The following NBPF12 variants were observed in gnomAD, a reference collection of about 807,000 sequenced individuals.
NBPF12 encodes the protein NBPF member 12, also known as NBPF family member NBPF12.
In NBPF12, 115 loss-of-function variants were observed where a neutral mutation model predicts 146.4. The ratio of observed to expected loss-of-function variants is 0.79; its 90% CI spans 0.68 to 0.92. The LOEUF (loss-of-function observed/expected upper bound fraction) is 0.92, where lower values mean the gene tolerates loss of function less well. Among genes scored for constraint, NBPF12 ranks in the 40% least tolerant of loss-of-function variants. NBPF12 has a pLI of 0.00. For synonymous variants in NBPF12, 385 were observed against 508.9 expected (o/e 0.76, Z 3.28); for missense variants, 1,205 against 1,326.8 (o/e 0.91, Z 1.43).
At chr1:146,945,253 C>G (rs1337498764), upstream of NBPF12, among the ~76,000 whole-genome samples, 1 of 151,596 alleles carries the variant, frequency 6.6e-6, no homozygotes, top group African/African-American at 2.4e-5. Flanking sequence ...CTGCTTCTGT[C>G]TTGTAGGCAG....
chr1:146,954,863 A>T (rs2101831396), intron 2 of NBPF12, among the ~76,000 whole-genome samples: 1 of 139,968 alleles, frequency 7.1e-6, no homozygotes, highest in Admixed American at 7.5e-5. Flanking sequence ...CTTAGGACAT[A>T]TATATATGTA....
chr1:146,966,293 A>T, intron 8 of NBPF12, among the ~76,000 whole-genome samples, 171 bp from the exon 12 acceptor site: 1 of 152,088 alleles, frequency 6.6e-6, no homozygotes, highest in African/African-American at 2.4e-5. Flanking sequence ...TGCATAGCTA[A>T]GACAAGTTGA....
At position 146,972,847 on chromosome 1, in the gene NBPF12, A is replaced by G; in HGVS notation, c.1688A>G (p.Asn563Ser). 5 of 1,299,110 alleles carry G rather than the reference A, an allele frequency of 3.8e-6. 1 individual carries two copies. The Admixed American group carries it at 6.7e-5, about 17-fold the overall frequency. The allele number at this position is 1,299,110 out of a possible 1,614,324, so 80.5% of individuals were successfully genotyped here. A position where few individuals can be genotyped will look rare whatever the true frequency, so the allele number is the denominator to read the frequency against. ...GCAGAGATGAACATTCTAGAAATCA[A>G]TGAGAAGTTGCGCCCCCAGCTGGCA... The change falls in exon 14 of 34, where the codon AAT (asparagine) becomes AGT (serine). Residue 563 changes from asparagine to serine, a missense_variant. Coordinates refer to ENST00000617844, the Ensembl canonical transcript of NBPF12.
At chr1:146,971,311 A>C in exon 13 of NBPF12, 1 of 1,612,294 alleles carries the variant, frequency 6.2e-7, no homozygotes, top group Non-Finnish European at 8.5e-7. Flanking sequence ...ATCACATTTG[A>C]GGAAGACAAA....
At chr1:146,962,236 A>T (rs1267202673) in exon 5 of NBPF12, 4 of 1,606,670 alleles carry the variant, frequency 2.5e-6, no homozygotes, top group East Asian at 4.5e-5. Context: ...AAGCTTGCAG[A>T]GCAGCTGAAA....
chr1:146,989,340 G>GTCTCTA lies in NBPF12; in HGVS notation c.3399-229_3399-228insATCTCT, dbSNP rs1413666828. On this transcript the variant is annotated intron_variant, in intron 27 of 33. Transcript: ENST00000617844. ...CAATTCACTAGCTCACTTTCTCTCT[G>GTCTCTA]TCTCTGTCTCTGTCTCTGTCTCTGT... 7.4e-3 allele frequency among the ~76,000 whole-genome samples: 747 copies of GTCTCTA among 101,610 alleles called. 1 individual carries two copies. The highest frequency in any genetic ancestry group is 0.023 in the African/African-American group (647 of 27,838). 66.7% of individuals were successfully genotyped at this position (101,610 alleles called of 152,430 possible).
chr1:146,950,167 T>A lies in NBPF12; in HGVS notation c.-326+745T>A, dbSNP rs1175620551. On this transcript the variant is annotated intron_variant, in intron 1 of 33. Coordinates refer to ENST00000617844, the Ensembl canonical transcript of NBPF12. ...AGTGCATTTACCCTCTCCCCTGAGG[T>A]TTCCAGATTTCATGTCATTAAAGCA... Among the ~76,000 whole-genome samples the A allele has an allele frequency of 4.3e-4, 65 of 151,898 alleles. 1 individual carries two copies. In the East Asian group the frequency reaches 0.013, roughly 29 times the overall value.
At chr1:146,959,213 C>T (rs1337739701) in intron 2 of NBPF12, among the ~76,000 whole-genome samples, 2 of 77,082 alleles carry the variant, frequency 2.6e-5, no homozygotes, top group African/African-American at 4.7e-5. Context: ...CGGTGGCTCA[C>T]GCCTGTAATC....
chr1:146,970,506 A>G (rs1656528867), intron 11 of NBPF12, 141 bp from the exon 15 acceptor site: 3 of 1,192,364 alleles, frequency 2.5e-6, no homozygotes, highest in South Asian at 2.6e-5. Flanking sequence ...ATGCCAGGGC[A>G]TTTTGTGAAA....
At chr1:146,971,958 G>T (rs1189507891) in intron 13 of NBPF12, among the ~76,000 whole-genome samples, 10 of 149,258 alleles carry the variant, frequency 6.7e-5, no homozygotes, top group Non-Finnish European at 1.2e-4. Context: ...CGCGGTGTTG[G>T]GTGCCTGTAG....
rs1265689751 is a variant in NBPF12, at chr1:146,939,276, G to A, written c.-822+294G>A. Among the ~76,000 whole-genome samples, 15 of 152,196 alleles carry A rather than the reference G, an allele frequency of 9.9e-5. No individual in the cohort carries two copies. The East Asian group carries it at 2.5e-3, about 26-fold the overall frequency. ...AGGGACGGAGCAGCTTCGGGGGCAC[G>A]TCTTCGGAAGTCCTGTGGAGCACAC... On this transcript the variant is annotated intron_variant, in intron 1 of 35. Transcript: ENST00000617931.
chr1:146,966,370 C>A (rs1166890566), intron 8 of NBPF12, 94 bp from the exon 12 acceptor site: 2 of 1,101,592 alleles, frequency 1.8e-6, no homozygotes, highest in South Asian at 1.2e-5. Context: ...CGAATAAGTA[C>A]ACAAGGCTGC....
chr1:146,939,951 C>T (rs1654719964), intron 1 of NBPF12, among the ~76,000 whole-genome samples: 1 of 149,306 alleles, frequency 6.7e-6, no homozygotes, highest in Non-Finnish European at 1.5e-5. Flanking sequence ...TGTCACTGCA[C>T]TCCAGCCTGG....
At chr1:146,976,308 C>A (rs1275029167) in intron 16 of NBPF12, among the ~76,000 whole-genome samples, 1 of 147,962 alleles carries the variant, frequency 6.8e-6, no homozygotes, top group Admixed American at 6.7e-5. Flanking sequence ...CCATGGCAGA[C>A]AAATTGTCTC....
intron 2 of NBPF12, chr1:146,952,173 A>G (rs1201822559): frequency 1.3e-5 from 2 of 151,900 alleles, no homozygotes; most frequent in African/African-American, 4.8e-5. Flanking sequence ...AGGAGAAATA[A>G]ACTCCCATCA....
exon 2 of NBPF12, chr1:146,943,422 C>G: frequency 3.8e-6 from 2 of 527,460 alleles, no homozygotes; most frequent in Non-Finnish European, 6.5e-6. Flanking sequence ...TTGGCCTCCA[C>G]ACTGGGGGTG....
intron 2 of NBPF12, among the ~76,000 whole-genome samples, chr1:146,954,538 G>A (rs1325957690): frequency 6.7e-6 from 1 of 150,056 alleles, no homozygotes; most frequent in Non-Finnish European, 1.5e-5. Flanking sequence ...GAGTTGTTAT[G>A]TTTAAAGAGT....
chr1:146,969,595 A>G, exon 11 of NBPF12: 2 of 1,610,252 alleles, frequency 1.2e-6, no homozygotes, highest in East Asian at 2.2e-5. Context: ...AGCTCAGCCC[A>G]GGTAAGGTGG....
rs1169700914 is a variant in NBPF12 at position 146,957,855 on chromosome 1, T to TATAC, written c.-183-2003_-183-2002insTACA. Reference sequence around the variant, plus strand: ...AAAAAAAATATAATATATATATATATACACGTGTTATATATATTGTATATT... The same window carrying TATAC: ...AAAAAAAATATAATATATATATATATATACACACGTGTTATATATATTGTATATT... On this transcript the variant is annotated intron_variant, in intron 2 of 33. Transcript: ENST00000617844. Among the ~76,000 whole-genome samples, 4 of 95,628 alleles carry TATAC rather than the reference T, an allele frequency of 4.2e-5. 1 individual carries two copies. The highest frequency in any genetic ancestry group is 1.5e-4 in the African/African-American group (4 of 26,532). 62.7% of individuals were successfully genotyped at this position (95,628 alleles called of 152,430 possible). A position where few individuals can be genotyped will look rare whatever the true frequency, so the allele number is the denominator to read the frequency against.
Sources: allele counts gnomAD v4.1 joint callset (sites outside exome capture counted in the v4.1 genomes callset), GRCh38; gene constraint gnomAD v4.1.1; transcripts MANE v1.5; gene names NCBI Gene and HGNC (gene_info 2026-07-23, HGNC 2026-07-21).